The following PRDM1 variants were observed in gnomAD, a reference collection of about 807,000 sequenced individuals.
PRDM1 encodes the protein PR/SET domain 1.
Under a neutral mutation model 62.8 loss-of-function variants are expected in PRDM1, and 13 were observed. That is an observed-to-expected ratio of 0.21 (90% CI 0.13 to 0.33). PRDM1 has a LOEUF of 0.33. Ranked by LOEUF, PRDM1 falls within the 10% of genes least tolerant of loss-of-function variation. The pLI, the probability that PRDM1 is intolerant of heterozygous loss-of-function variation, is 1.00. For missense variants in PRDM1, 895 were observed against 1,058.8 expected (o/e 0.85, Z 2.15); for synonymous variants, 396 against 417.6 (o/e 0.95, Z 0.63).
At chr6:106,028,273 C>G (rs1318683888) in intron 1 of PRDM1, among the ~76,000 whole-genome samples, 1 of 152,110 alleles carries the variant, frequency 6.6e-6, no homozygotes, top group Non-Finnish European at 1.5e-5. Flanking sequence ...CACAGCAATC[C>G]AAGACTAAGG....
intron 1 of PRDM1, among the ~76,000 whole-genome samples, chr6:106,035,793 G>T (rs1169815957): frequency 6.6e-6 from 1 of 151,922 alleles, no homozygotes; most frequent in East Asian, 1.9e-4. Flanking sequence ...ATAAAATTGG[G>T]TCATGGGTCA....
At chr6:106,047,209 A>G (rs1773094995), upstream of PRDM1, among the ~76,000 whole-genome samples, 1 of 152,236 alleles carries the variant, frequency 6.6e-6, no homozygotes, top group Non-Finnish European at 1.5e-5. Flanking sequence ...GGAGATATTG[A>G]AAGAATTTGG....
chr6:106,008,574 G>A (rs1195714742), intron 1 of PRDM1, among the ~76,000 whole-genome samples: 6 of 152,146 alleles, frequency 3.9e-5, no homozygotes, highest in Non-Finnish European at 7.3e-5. Flanking sequence ...CTGGTACAGA[G>A]GATATAGACA....
At chr6:106,002,859 C>T (rs576357781) in intron 1 of PRDM1, among the ~76,000 whole-genome samples, 25 of 152,276 alleles carry the variant, frequency 1.6e-4, no homozygotes, top group African/African-American at 6.0e-4. Flanking sequence ...CTGAGCTTCA[C>T]TTGACCAGCT....
chr6:106,052,838 C>T (rs750075786), intron 1 of PRDM1, among the ~76,000 whole-genome samples: 7 of 151,848 alleles, frequency 4.6e-5, no homozygotes, highest in Non-Finnish European at 1.0e-4. Flanking sequence ...AGGCATGGTG[C>T]ACACCTGTAG....
At chr6:106,098,743 T>A in intron 3 of PRDM1, 1 of 1,434,700 alleles carries the variant, frequency 7.0e-7, no homozygotes, top group Non-Finnish European at 9.3e-7. Context: ...AGTATTCATA[T>A]GAACAAGTGT....
intron 1 of PRDM1, among the ~76,000 whole-genome samples, chr6:106,026,384 C>T (rs1187884079): frequency 6.6e-6 from 1 of 152,106 alleles, no homozygotes; most frequent in East Asian, 1.9e-4. Flanking sequence ...GAGGCTGAGG[C>T]AGGAGAATCG....
chr6:105,998,887 A>C (rs904283724), intron 1 of PRDM1, among the ~76,000 whole-genome samples: 2 of 105,286 alleles, frequency 1.9e-5, no homozygotes, highest in African/African-American at 7.7e-5. Flanking sequence ...TTAAAAGTTA[A>C]TACATATATA....
Position 105,994,135 on chromosome 6 carries a change from C to G in PRDM1, c.-67+496C>G, listed in dbSNP as rs1772317573. ...AGCGCGGGGACGGTGGAGAGGGAGG[C>G]GAAGAGCCCGCGCTGCTGGGCTGGG... On this transcript the variant is annotated intron_variant, in intron 1 of 6. Coordinates refer to the PRDM1 transcript ENST00000652320. This position sits in a 1 kb window ranked among gnomAD's most constrained non-coding sequence, Gnocchi z 4.1. 6.6e-6 allele frequency among the ~76,000 whole-genome samples: 1 copy of G among 151,186 alleles called. No homozygotes were observed. Among genetic ancestry groups the G allele is most frequent in the Admixed American group, 6.6e-5 (1 of 15,236 alleles).
intron 1 of PRDM1, among the ~76,000 whole-genome samples, chr6:106,003,219 CT>C (rs1210453839): frequency 9.2e-5 from 14 of 152,128 alleles, no homozygotes; most frequent in Non-Finnish European, 4.4e-5. Context: ...ACTTTTGAGA[CT>C]GAAAGGGGGC....
At chr6:106,098,682 T>C (rs370623395) in intron 3 of PRDM1, 1 of 1,345,478 alleles carries the variant, frequency 7.4e-7, no homozygotes, top group African/African-American at 1.5e-5. Flanking sequence ...TTATGGCAGG[T>C]GAAGTTCACC....
At chr6:106,054,024 G>A (rs1582441174) in intron 1 of PRDM1, among the ~76,000 whole-genome samples, 1 of 151,926 alleles carries the variant, frequency 6.6e-6, no homozygotes, top group African/African-American at 2.4e-5. Flanking sequence ...CATTGTGTTG[G>A]TCTCTTTTTT....
intron 1 of PRDM1, among the ~76,000 whole-genome samples, chr6:105,998,890 CATATATATATATAT>C (rs202209129): frequency 6.0e-5 from 6 of 100,214 alleles, no homozygotes; most frequent in Middle Eastern, 4.6e-3. Context: ...AAAGTTAATA[CATATATATATATAT>C]ATATATATAT....
intron 1 of PRDM1, among the ~76,000 whole-genome samples, chr6:105,995,188 G>T (rs1393146596): frequency 2.6e-5 from 4 of 152,172 alleles, no homozygotes; most frequent in African/African-American, 9.7e-5. Flanking sequence ...ACGGAAGAGG[G>T]TCGGGGCAGG....
At chr6:106,099,211 C>A in intron 3 of PRDM1, 89 bp from the exon 4 acceptor site, 7 of 1,603,778 alleles carry the variant, frequency 4.4e-6, no homozygotes, top group Non-Finnish European at 6.0e-6. Context: ...TCAGAAATCA[C>A]ACACGGTACC....
rs747173877 is a variant in PRDM1 at position 106,107,482 on chromosome 6, C to T, written c.2474C>T (p.Pro825Leu). 3.8e-6 allele frequency: 6 copies of T among 1,587,160 alleles called. No individual in the cohort carries two copies. In the South Asian group the frequency reaches 6.8e-5, roughly 18 times the overall value. Residue 825 changes from proline to leucine, a missense_variant, in exon 7 of 7, where the codon CCT (proline) becomes CTT (leucine). Physicochemically the swap from Pro to Leu is moderately conservative, Grantham distance 98. Around this residue, in one of 4 missense-constraint regions of PRDM1, gnomAD observed 164 missense variants for 179.9 expected, o/e 0.91. Coordinates refer to ENST00000369096, the MANE Select transcript of PRDM1 (RefSeq NM_001198.4). ...VKQETVEPMD[P>L] is the part of the protein sequence containing the mutation. ...CAAGAAACAGTTGAACCAATGGATC[C>T]TTAAGATTTTCAGAAAACACTTATT...
intron 2 of PRDM1, among the ~76,000 whole-genome samples, chr6:106,095,324 C>A (rs1294217392): frequency 2.6e-5 from 4 of 152,138 alleles, no homozygotes; most frequent in African/African-American, 9.7e-5. Flanking sequence ...ATTCGCTGTT[C>A]TAGCATAAAA....
In PRDM1 at chr6:106,067,622, A is replaced by G. The variant is rs547589859; in HGVS notation, c.-67+18908A>G. Reference sequence around the variant, plus strand: ...GCTAAGTAAAATAAGCCAGACACGAAAGTTCAAATACTGTATGATTCCACT... The same window carrying G: ...GCTAAGTAAAATAAGCCAGACACGAGAGTTCAAATACTGTATGATTCCACT... On this transcript the variant is annotated intron_variant, in intron 1 of 6. Coordinates refer to the PRDM1 transcript ENST00000651185. Among the ~76,000 whole-genome samples the G allele has an allele frequency of 3.3e-4, 51 of 152,340 alleles. 1 individual carries two copies. The highest frequency in any genetic ancestry group is 3.4e-3 in the Middle Eastern group (1 of 294).
At position 106,109,175 on chromosome 6, in the gene PRDM1, T is replaced by C. The variant is rs982711821; in HGVS notation, c.*1689T>C. Reference sequence around the variant, plus strand: ...GACCTCACAATCACGTCGGTATGATTGGGCACCCTTGCCTACTGTAAGAGA... The same window carrying C: ...GACCTCACAATCACGTCGGTATGATCGGGCACCCTTGCCTACTGTAAGAGA... On this transcript the variant is annotated 3_prime_UTR_variant, in exon 7 of 7. Transcript: ENST00000369096. The C allele has an allele frequency of 4.4e-6, 1 of 225,526 alleles. No individual in the cohort carries two copies. Among genetic ancestry groups the C allele is most frequent in the African/African-American group, 2.2e-5 (1 of 44,784 alleles). 14.0% of individuals were successfully genotyped at this position (225,526 alleles called of 1,614,324 possible).
Sources: allele counts gnomAD v4.1 joint callset (sites outside exome capture counted in the v4.1 genomes callset), GRCh38; gene constraint gnomAD v4.1.1; regional missense constraint gnomAD v4.1.1; non-coding constraint Gnocchi (gnomAD v3.1); transcripts MANE v1.5; gene names NCBI Gene and HGNC (gene_info 2026-07-23, HGNC 2026-07-21).